The following HECW2 variants were observed in gnomAD, a reference collection of about 807,000 sequenced individuals.
HECW2 encodes HECT, C2 and WW domain containing E3 ubiquitin protein ligase 2.
HECW2 carries 61 observed loss-of-function variants against 175.2 expected under a neutral mutation model. The observed-to-expected ratio is 0.35, with a 90% CI of 0.28 to 0.43. The LOEUF is 0.43. Ranked by LOEUF, HECW2 falls within the 20% of genes least tolerant of loss-of-function variation. The probability of loss-of-function intolerance (pLI) is 1.00; values close to 1 mark genes in which losing one functional copy is unlikely to be tolerated. For missense variants in HECW2, 1,524 were observed against 2,000.5 expected, an observed-to-expected ratio of 0.76 and a Z score of 4.54; for synonymous variants, 671 against 731.0, an observed-to-expected ratio of 0.92 and a Z score of 1.32.
At chr2:196,390,800 A>T (rs10497783) in intron 2 of HECW2, among the ~76,000 whole-genome samples, 28,703 of 152,204 alleles carry the variant, frequency 0.19, 3,780 homozygotes, top group African/African-American at 0.37. Context: ...AGATTAAGAC[A>T]TCACAACAGG....
At chr2:196,559,418 A>G (rs1689920970) in intron 1 of HECW2, among the ~76,000 whole-genome samples, 1 of 152,242 alleles carries the variant, frequency 6.6e-6, no homozygotes, top group Non-Finnish European at 1.5e-5. Context: ...TAAGAAAGCT[A>G]GGAAACCCTG....
At chr2:196,324,250 A>G (rs1023945020) in intron 6 of HECW2, among the ~76,000 whole-genome samples, 7 of 152,168 alleles carry the variant, frequency 4.6e-5, no homozygotes, top group Non-Finnish European at 7.3e-5. Flanking sequence ...GATCTCCAAG[A>G]AATGGAGGGA....
intron 2 of HECW2, among the ~76,000 whole-genome samples, chr2:196,358,362 A>G (rs905176266): frequency 3.5e-5 from 3 of 84,806 alleles, no homozygotes; most frequent in African/African-American, 9.8e-5. Context: ...TCACTTGAGT[A>G]CTTGAGTTCG....
chr2:196,525,798 T>TATTG (rs1283362425), intron 1 of HECW2, among the ~76,000 whole-genome samples: 1 of 123,462 alleles, frequency 8.1e-6, no homozygotes, highest in Non-Finnish European at 1.7e-5. Context: ...GAATGTTGAA[T>TATTG]ATTGGCCCCC....
chr2:196,571,729 A>T (rs1045835184), intron 1 of HECW2, among the ~76,000 whole-genome samples: 1 of 152,136 alleles, frequency 6.6e-6, no homozygotes, highest in Non-Finnish European at 1.5e-5. Context: ...AAAATCAATT[A>T]TCAACTTGGG....
At chr2:196,329,768 A>G (rs1313642553) in intron 4 of HECW2, 118 bp from the exon 5 acceptor site, 1 of 717,264 alleles carries the variant, frequency 1.4e-6, no homozygotes, top group Non-Finnish European at 2.4e-6. Context: ...GTATTGTATC[A>G]TGTGTCCTTT....
intron 1 of HECW2, among the ~76,000 whole-genome samples, chr2:196,581,785 G>A (rs1362984749): frequency 1.3e-5 from 2 of 152,114 alleles, no homozygotes; most frequent in Non-Finnish European, 2.9e-5. Flanking sequence ...AATAAACCAT[G>A]GACAGGCGCG....
At chr2:196,356,395 TA>T (rs1356419830) in intron 2 of HECW2, among the ~76,000 whole-genome samples, 1 of 152,210 alleles carries the variant, frequency 6.6e-6, no homozygotes, top group Non-Finnish European at 1.5e-5. Context: ...CTGAAAATAT[TA>T]AATGGAAAAT....
At chr2:196,476,947 C>CAAAAAAA (rs35714216) in intron 1 of HECW2, among the ~76,000 whole-genome samples, 5 of 57,386 alleles carry the variant, frequency 8.7e-5, no homozygotes, top group Admixed American at 3.1e-4. Context: ...CCCATCTCCA[C>CAAAAAAA]AAAAAAAAAA....
intron 1 of HECW2, among the ~76,000 whole-genome samples, chr2:196,458,702 C>T (rs2125321866): frequency 6.6e-6 from 1 of 151,930 alleles, no homozygotes; most frequent in African/African-American, 2.4e-5. Flanking sequence ...CCCGTCTCTA[C>T]TAAAAATACA....
At chr2:196,333,974 C>T (rs1325932222) in intron 4 of HECW2, among the ~76,000 whole-genome samples, 1 of 152,160 alleles carries the variant, frequency 6.6e-6, no homozygotes, top group East Asian at 1.9e-4. Flanking sequence ...GCACTAAGAC[C>T]TTAAGGAAAA....
intron 14 of HECW2, among the ~76,000 whole-genome samples, chr2:196,282,828 C>T (rs1028994206): frequency 2.0e-5 from 3 of 152,172 alleles, no homozygotes; most frequent in Admixed American, 6.5e-5. Context: ...TCCAACCCCC[C>T]ACTTTCCATC....
chr2:196,427,675 C>G (rs1251143866), intron 2 of HECW2, among the ~76,000 whole-genome samples: 1 of 152,004 alleles, frequency 6.6e-6, no homozygotes, highest in African/African-American at 2.4e-5. Context: ...ATTTTGGAGA[C>G]CAACAATAAA....
intron 22 of HECW2, among the ~76,000 whole-genome samples, chr2:196,226,422 T>G (rs1531110): frequency 0.91 from 138,463 of 152,108 alleles, 63,848 homozygotes; most frequent in Non-Finnish European, 0.98. Context: ...ATTACCAGTC[T>G]CAGGTATTTC....
At chr2:196,408,388 A>T (rs1695021111) in intron 2 of HECW2, among the ~76,000 whole-genome samples, 1 of 152,174 alleles carries the variant, frequency 6.6e-6, no homozygotes, top group Non-Finnish European at 1.5e-5. Flanking sequence ...TCTACAGCAT[A>T]GGGGTGATGA....
chr2:196,354,390 C>T (rs1186102827), intron 2 of HECW2, among the ~76,000 whole-genome samples: 1 of 152,220 alleles, frequency 6.6e-6, no homozygotes, highest in African/African-American at 2.4e-5. Flanking sequence ...CCCACACTCA[C>T]TTGCTCACAT....
intron 10 of HECW2, among the ~76,000 whole-genome samples, chr2:196,314,714 A>T (rs1691624927): frequency 1.3e-5 from 2 of 152,244 alleles, no homozygotes; most frequent in South Asian, 4.1e-4. Context: ...GTGCTTTGTA[A>T]AGTGTAAATC....
chr2:196,466,010 T>C (rs1696937757), intron 1 of HECW2, among the ~76,000 whole-genome samples: 1 of 152,190 alleles, frequency 6.6e-6, no homozygotes. Context: ...CCATAACCTT[T>C]TAATTGTTTC....
intron 1 of HECW2, among the ~76,000 whole-genome samples, chr2:196,500,402 A>G (rs1687538714): frequency 6.6e-6 from 1 of 152,232 alleles, no homozygotes; most frequent in South Asian, 2.1e-4. Context: ...CATACATGCA[A>G]TCTTACACCA....
Sources: allele counts gnomAD v4.1 joint callset (sites outside exome capture counted in the v4.1 genomes callset), GRCh38; gene constraint gnomAD v4.1.1; transcripts MANE v1.5; gene names NCBI Gene and HGNC (gene_info 2026-07-23, HGNC 2026-07-21).